KIAA1549: variants seen among roughly 807,000 people sequenced by gnomAD.
KIAA1549 encodes the protein KIAA1549.
In KIAA1549, 70 loss-of-function variants were observed where a neutral mutation model predicts 156.4. The ratio of observed to expected loss-of-function variants is 0.45; its 90% CI spans 0.37 to 0.55. KIAA1549 has a LOEUF of 0.55. Ranked by LOEUF, KIAA1549 falls within the 20% of genes least tolerant of loss-of-function variation. The pLI is 0.00. For missense variants in KIAA1549, 2,428 were observed against 2,540.9 expected, an observed-to-expected ratio of 0.96 and a Z score of 0.96; for synonymous variants, 1,103 against 1,066.4, an observed-to-expected ratio of 1.03 and a Z score of -0.67.
At chr7:138,964,587 T>C (rs73732916) in intron 1 of KIAA1549, among the ~76,000 whole-genome samples, 1 of 152,142 alleles carries the variant, frequency 6.6e-6, no homozygotes, top group Non-Finnish European at 1.5e-5. Context: ...CTGAGACTGC[T>C]GCAGGAGAGG....
chr7:138,937,430 T>C (rs934418920), intron 1 of KIAA1549, among the ~76,000 whole-genome samples: 3 of 152,170 alleles, frequency 2.0e-5, no homozygotes, highest in African/African-American at 4.8e-5. Flanking sequence ...AACAAACACC[T>C]ACCGGTCATG....
intron 16 of KIAA1549, among the ~76,000 whole-genome samples, chr7:138,853,678 T>G (rs1449219350): frequency 6.6e-6 from 1 of 152,182 alleles, no homozygotes; most frequent in Non-Finnish European, 1.5e-5. Flanking sequence ...TTGGCTGTCA[T>G]GTGGAACCTT....
intron 1 of KIAA1549, among the ~76,000 whole-genome samples, chr7:138,942,317 A>C (rs185375608): frequency 7.5e-4 from 114 of 152,104 alleles, no homozygotes; most frequent in Non-Finnish European, 1.4e-3. Flanking sequence ...CCAATTTGAA[A>C]ACTCTGCTCA....
intron 1 of KIAA1549, among the ~76,000 whole-genome samples, chr7:138,963,379 C>T (rs1813912382): frequency 6.6e-6 from 1 of 152,110 alleles, no homozygotes; most frequent in Non-Finnish European, 1.5e-5. Context: ...GCTGGTTTAC[C>T]CAGCCTGATA....
chr7:138,980,147 C>T (rs569372895), intron 1 of KIAA1549, among the ~76,000 whole-genome samples: 1 of 152,302 alleles, frequency 6.6e-6, no homozygotes, highest in South Asian at 2.1e-4. Flanking sequence ...GTTCTGTGTG[C>T]AGCAGCTCTC....
At position 138,862,906 on chromosome 7, in the gene KIAA1549, G is replaced by A. The variant is rs149584645; in HGVS notation, c.4930-1450C>T. The stretch of plus-strand genomic sequence containing the variant: ...GATTGCACTCTTGCACTCCAGCCTG[G>A]GTGACAAGAGTGAAACTCTATCTCA... On this transcript the variant is annotated intron_variant, in intron 15 of 19. Transcript: ENST00000422774. 9.0e-3 allele frequency among the ~76,000 whole-genome samples: 1,366 copies of A among 152,154 alleles called. 19 individuals are homozygous for A. Among genetic ancestry groups the A allele is most frequent in the African/African-American group, 0.031 (1,280 of 41,478 alleles).
Position 138,836,903 on chromosome 7 carries a change from G to A in KIAA1549, c.*1003C>T. 1 of 225,908 alleles carries A rather than the reference G, an allele frequency of 4.4e-6. No individual in the cohort carries two copies. Among genetic ancestry groups the A allele is most frequent in the South Asian group, 1.8e-4 (1 of 5,460 alleles). 14.0% of individuals were successfully genotyped at this position (225,908 alleles called of 1,614,324 possible). Reference sequence around the variant, plus strand: ...TATGTATAACAATTTCGTGGTGCTGGGAATTATTAAATAACTTCTGCTTAC... The same window carrying A: ...TATGTATAACAATTTCGTGGTGCTGAGAATTATTAAATAACTTCTGCTTAC... On this transcript the variant is annotated 3_prime_UTR_variant, in exon 20 of 20. Transcript: ENST00000422774.
At chr7:138,896,368 A>C (rs1305002083) in intron 9 of KIAA1549, among the ~76,000 whole-genome samples, 1 of 152,198 alleles carries the variant, frequency 6.6e-6, no homozygotes, top group African/African-American at 2.4e-5. Context: ...AAGCATTCTA[A>C]ATCAAATGCA....
At position 138,920,289 on chromosome 7, in the gene KIAA1549, G is replaced by A. The variant is rs1015846729; in HGVS notation, c.188-851C>T. On this transcript the variant is annotated intron_variant, in intron 1 of 19. Transcript: ENST00000422774. The stretch of plus-strand genomic sequence containing the variant: ...CAGCACAGATATGAGCTTCATCCTC[G>A]ATGCTCTGAAGTTGGATTCGTGCCT... 8.1e-5 allele frequency among the ~76,000 whole-genome samples: 11 copies of A among 135,222 alleles called. No homozygotes were observed. The East Asian group carries it at 2.0e-3, about 25-fold the overall frequency. The allele number at this position is 135,222 out of a possible 152,430, so 88.7% of individuals were successfully genotyped here.
intron 10 of KIAA1549, among the ~76,000 whole-genome samples, chr7:138,893,398 A>T (rs1811596550): frequency 6.6e-6 from 1 of 152,156 alleles, no homozygotes; most frequent in South Asian, 2.1e-4. Context: ...GGTATTAAAA[A>T]TCGAGAGAAC....
chr7:138,968,190 AGGTGG>A (rs1814089258), intron 1 of KIAA1549, among the ~76,000 whole-genome samples: 1 of 152,164 alleles, frequency 6.6e-6, no homozygotes, highest in Admixed American at 6.5e-5. Flanking sequence ...CCCTCTCGGT[AGGTGG>A]GGTGGGAGGA....
chr7:138,908,625 T>C (rs566831153), intron 5 of KIAA1549, among the ~76,000 whole-genome samples: 3 of 152,332 alleles, frequency 2.0e-5, no homozygotes, highest in South Asian at 4.1e-4. Flanking sequence ...AGTTTCCATA[T>C]GATACGTACA....
chr7:138,843,682 G>A lies in KIAA1549; in HGVS notation c.5452+635C>T, dbSNP rs140496935. Among the ~76,000 whole-genome samples the A allele has an allele frequency of 5.5e-3, 838 of 152,152 alleles. 6 individuals carry two copies. Among genetic ancestry groups the A allele is most frequent in the Admixed American group, 0.011 (165 of 15,292 alleles). On this transcript the variant is annotated intron_variant, in intron 18 of 19. Coordinates refer to ENST00000422774, the MANE Select transcript of KIAA1549 (RefSeq NM_001164665.2). ...AATACATCTGAATTTTGCTTAGTAC[G>A]CATGCCATGTAGGGAGGTTCAAATA...
Position 138,903,584 on chromosome 7 carries a change from G to A in KIAA1549, c.3669+4C>T. On this transcript the variant is annotated splice_donor_region_variant and intron_variant, in intron 8 of 19. Coordinates refer to ENST00000422774, the MANE Select transcript of KIAA1549 (RefSeq NM_001164665.2). ...CCTTCCCCTCCTCCTTTGATGTGGA[G>A]TACCTGCACCACACTGTTCCCTGCA... 1 of 1,613,174 alleles carries A rather than the reference G, an allele frequency of 6.2e-7. No individual in the cohort carries two copies. Among genetic ancestry groups the A allele is most frequent in the Non-Finnish European group, 8.5e-7 (1 of 1,179,674 alleles).
intron 16 of KIAA1549, among the ~76,000 whole-genome samples, chr7:138,859,011 AC>A (rs1810476268): frequency 7.0e-5 from 3 of 42,802 alleles, no homozygotes; most frequent in Admixed American, 2.3e-4. Flanking sequence ...ATCTCAAAAC[AC>A]ACACACACAC....
At chr7:138,940,183 G>A (rs9720090) in intron 1 of KIAA1549, among the ~76,000 whole-genome samples, 13,945 of 150,520 alleles carry the variant, frequency 0.093, 902 homozygotes, top group African/African-American at 0.18. Context: ...CCCCACAACA[G>A]GCCCCGGTGT....
At position 138,894,423 on chromosome 7, in the gene KIAA1549, G is replaced by A. The variant is rs772442257; in HGVS notation, c.3951C>T (p.Val1317=). ...IPVLVVMVIV[V]ILYWKLCRTD... The stretch of plus-strand genomic sequence containing the variant: ...TGCGGCATAGTTTCCAGTAGAGGAT[G>A]ACAACAATCACCATCACCACCAGCA... Residue 1317 remains valine, a synonymous_variant, in exon 10 of 20, where the codon GTC becomes GTT. Coordinates refer to ENST00000422774, the MANE Select transcript of KIAA1549 (RefSeq NM_001164665.2). The A allele has an allele frequency of 1.2e-5, 19 of 1,613,896 alleles. No homozygotes were observed. Among genetic ancestry groups the A allele is most frequent in the Admixed American group, 1.2e-4 (7 of 59,994 alleles).
At chr7:138,903,086 T>C (rs1039468445) in intron 8 of KIAA1549, among the ~76,000 whole-genome samples, 3 of 152,060 alleles carry the variant, frequency 2.0e-5, no homozygotes, top group Admixed American at 1.3e-4. Context: ...TAAAATGAAA[T>C]TGAAAATGTT....
intron 12 of KIAA1549, among the ~76,000 whole-genome samples, chr7:138,872,401 C>T (rs755849729): frequency 6.8e-6 from 1 of 146,600 alleles, no homozygotes; most frequent in African/African-American, 2.5e-5. Flanking sequence ...AAAAAAAAGA[C>T]AGAAAAGAAA....
Sources: gnomAD v4.1 joint callset for allele counts (sites outside exome capture counted in the v4.1 genomes callset) on GRCh38, gnomAD v4.1.1 for gene constraint, MANE v1.5 for transcripts, NCBI Gene and HGNC (gene_info 2026-07-23, HGNC 2026-07-21) for gene names.